The following KY variants were observed in gnomAD, a reference collection of about 807,000 sequenced individuals.
KY encodes kyphoscoliosis peptidase.
KY carries 43 observed loss-of-function variants against 76.1 expected under a neutral mutation model. The observed-to-expected ratio is 0.57, with a 90% CI of 0.44 to 0.73. The LOEUF (loss-of-function observed/expected upper bound fraction) is 0.73, where lower values mean the gene tolerates loss of function less well. Among genes scored for constraint, KY ranks in the 30% least tolerant of loss-of-function variants. KY has a pLI of 0.00. For missense variants in KY, 722 were observed against 828.9 expected (o/e 0.87, Z 1.58); for synonymous variants, 277 against 326.2 (o/e 0.85, Z 1.63).
rs377406982 is a variant in KY, at chr3:134,628,246, A to C, written c.338-428T>G. 3.8e-4 allele frequency: 69 copies of C among 182,382 alleles called. 2 individuals carry two copies. The highest frequency in any genetic ancestry group is 1.5e-3 in the African/African-American group (64 of 42,516). The allele number at this position is 182,382 out of a possible 1,614,324, so 11.3% of individuals were successfully genotyped here. On this transcript the variant is annotated intron_variant, in intron 4 of 10. Coordinates refer to ENST00000423778, the MANE Select transcript of KY (RefSeq NM_178554.6). ...AGGAAGGGGAAAGCAGTTCGTGTGA[A>C]GGTCAAAACCTAGAAAGGTCAGGTC...
intron 10 of KY, chr3:134,607,677 C>T (rs867574705): frequency 7.1e-6 from 7 of 985,652 alleles, no homozygotes; most frequent in Admixed American, 6.1e-5. Flanking sequence ...TTCTGGCCCT[C>T]CAGGGCAGCC....
At chr3:134,611,501 T>C (rs1459127868) in intron 8 of KY, among the ~76,000 whole-genome samples, 1 of 152,220 alleles carries the variant, frequency 6.6e-6, no homozygotes, top group African/African-American at 2.4e-5. Context: ...ATGCTAGCCC[T>C]CCTAGGGCCT....
chr3:134,612,487 A>G (rs2107785718), intron 8 of KY, among the ~76,000 whole-genome samples: 1 of 152,240 alleles, frequency 6.6e-6, no homozygotes, highest in Non-Finnish European at 1.5e-5. Flanking sequence ...GGTTGTTCTC[A>G]GGATGAGGAA....
intron 5 of KY, among the ~76,000 whole-genome samples, chr3:134,626,554 AG>A (rs1174368506): frequency 6.6e-6 from 1 of 152,188 alleles, no homozygotes; most frequent in African/African-American, 2.4e-5. Flanking sequence ...GGGACACTGC[AG>A]GTGCATTTGC....
chr3:134,638,834 G>A (rs778589164), intron 3 of KY, among the ~76,000 whole-genome samples: 22 of 152,212 alleles, frequency 1.4e-4, no homozygotes, highest in Admixed American at 3.3e-4. Flanking sequence ...ATGGCAAACA[G>A]GTTTCATGTT....
Position 134,619,077 on chromosome 3 carries a change from G to T in KY, c.710+71C>A. The T allele has an allele frequency of 2.3e-6, 3 of 1,282,434 alleles. No homozygotes were observed. In the Admixed American group the frequency reaches 5.1e-5, roughly 22 times the overall value. The allele number at this position is 1,282,434 out of a possible 1,614,324, so 79.4% of individuals were successfully genotyped here. A position where few individuals can be genotyped will look rare whatever the true frequency, so the allele number is the denominator to read the frequency against. The stretch of plus-strand genomic sequence containing the variant: ...GTTTCAGGCCTGGCATGTGGGCAAA[G>T]GCACATGGCACTGTGGAAGAGGGAG... On this transcript the variant is annotated intron_variant, in intron 8 of 10. Transcript: ENST00000423778.
chr3:134,611,323 G>T (rs940821130), intron 8 of KY, among the ~76,000 whole-genome samples: 2 of 152,184 alleles, frequency 1.3e-5, no homozygotes, highest in African/African-American at 4.8e-5. Flanking sequence ...CTAAAACCCT[G>T]AGGCCCAGGC....
At chr3:134,621,858 C>T (rs1962667042) in intron 6 of KY, among the ~76,000 whole-genome samples, 1 of 152,114 alleles carries the variant, frequency 6.6e-6, no homozygotes, top group Non-Finnish European at 1.5e-5. Context: ...AGAACTCCTA[C>T]AACTCCACAA....
intron 3 of KY, among the ~76,000 whole-genome samples, chr3:134,633,128 C>G (rs1017028617): frequency 2.6e-5 from 4 of 151,998 alleles, no homozygotes; most frequent in African/African-American, 9.7e-5. Context: ...TTAAAATCTT[C>G]CCCCCAAAAG....
intron 10 of KY, chr3:134,608,063 C>G: frequency 9.2e-7 from 1 of 1,085,982 alleles, no homozygotes; most frequent in Non-Finnish European, 1.1e-6. Flanking sequence ...AACTCTCTGT[C>G]TTGGGTGGGA....
chr3:134,627,619 C>CT, intron 5 of KY, 137 bp downstream of exon 5: 1 of 708,726 alleles, frequency 1.4e-6, no homozygotes, highest in Non-Finnish European at 2.5e-6. Context: ...TCATGACACT[C>CT]TTCCCCTCCT....
chr3:134,620,414 C>T (rs1194265099), intron 7 of KY, among the ~76,000 whole-genome samples: 1 of 152,174 alleles, frequency 6.6e-6, no homozygotes, highest in Non-Finnish European at 1.5e-5. Context: ...TTGGAGATGA[C>T]CTGTTGCTCT....
intron 10 of KY, 116 bp from the exon 11 acceptor site, chr3:134,604,590 A>G (rs1959121224): frequency 3.5e-6 from 3 of 853,550 alleles, no homozygotes; most frequent in Middle Eastern, 7.3e-4. Flanking sequence ...GAGCTTGTCT[A>G]TTTCCACGGT....
rs1959004271 is a variant in KY, at chr3:134,602,295, TG to T, written c.*1283del. 6.6e-6 allele frequency among the ~76,000 whole-genome samples: 1 copy of T among 152,064 alleles called. No individual in the cohort carries two copies. The highest frequency in any genetic ancestry group is 2.4e-5 in the African/African-American group (1 of 41,408). On this transcript the variant is annotated 3_prime_UTR_variant, in exon 11 of 11. Transcript: ENST00000423778. ...GAAGTCAGCCTTTCCTCCGTTGCCA[TG>T]GCAACGGCAGCCTGAGGCGCTGCTG...
intron 5 of KY, 89 bp from the exon 6 acceptor site, chr3:134,625,224 G>T: frequency 1.0e-6 from 1 of 994,316 alleles, no homozygotes; most frequent in Non-Finnish European, 1.6e-6. Context: ...GAGGAGCTGT[G>T]ACTGTCCAAC....
At position 134,604,453 on chromosome 3, in the gene KY, G is replaced by A; in HGVS notation, c.1112C>T (p.Thr371Ile). ...IRTVNGKATVTIESCAPTLFM... is the reference protein window; with the variant it reads ...IRTVNGKATVIIESCAPTLFM... ...CAGCGTCGGGGCGCAGCTCTCAATGGTGACCGTGGCCTTCCCATTCACTGA... is the reference window on the plus strand; with the variant it reads ...CAGCGTCGGGGCGCAGCTCTCAATGATGACCGTGGCCTTCCCATTCACTGA... Residue 371 changes from threonine to isoleucine, a missense_variant, in exon 11 of 11, where the codon ACC becomes ATC. Coordinates refer to ENST00000423778, the MANE Select transcript of KY (RefSeq NM_178554.6). The A allele has an allele frequency of 6.2e-7, 1 of 1,608,836 alleles. No individual in the cohort carries two copies. The highest frequency in any genetic ancestry group is 8.5e-7 in the Non-Finnish European group (1 of 1,176,544).
intron 8 of KY, among the ~76,000 whole-genome samples, chr3:134,610,995 C>A (rs536638365): frequency 7.0e-4 from 106 of 152,300 alleles, no homozygotes; most frequent in African/African-American, 2.5e-3. Flanking sequence ...TGTCTCCAGC[C>A]CTGGCCCAGG....
intron 3 of KY, among the ~76,000 whole-genome samples, chr3:134,632,041 A>C (rs1964306526): frequency 6.6e-6 from 1 of 152,104 alleles, no homozygotes; most frequent in African/African-American, 2.4e-5. Context: ...AATATCAGGG[A>C]TAGAGGAATA....
intron 3 of KY, 61 bp from the exon 4 acceptor site, chr3:134,629,756 C>T: frequency 1.0e-6 from 1 of 972,410 alleles, no homozygotes; most frequent in South Asian, 1.4e-5. Context: ...GTGAATGCCT[C>T]ATGACTGATG....
Sources: gnomAD v4.1 joint callset for allele counts (sites outside exome capture counted in the v4.1 genomes callset) on GRCh38, gnomAD v4.1.1 for gene constraint, MANE v1.5 for transcripts, NCBI Gene and HGNC (gene_info 2026-07-23, HGNC 2026-07-21) for gene names.